TTC29: variants seen among roughly 807,000 people sequenced by gnomAD.
TTC29 encodes tetratricopeptide repeat protein 29.
Under a neutral mutation model 58.1 loss-of-function variants are expected in TTC29, and 49 were observed. The ratio of observed to expected loss-of-function variants is 0.84; its 90% CI spans 0.67 to 1.07. TTC29 has a LOEUF of 1.07. Among genes scored for constraint, TTC29 ranks in the 50% least tolerant of loss-of-function variants. The pLI is 0.00. For synonymous variants in TTC29, 209 were observed against 196.8 expected (o/e 1.06, Z -0.52); for missense variants, 582 against 555.6 (o/e 1.05, Z -0.48).
chr4:146,706,664 G>A lies in TTC29; in HGVS notation c.*494C>T, dbSNP rs1741985570. The A allele has an allele frequency of 6.6e-6, 1 of 152,124 alleles. No individual in the cohort carries two copies. The highest frequency in any genetic ancestry group is 6.6e-5 in the Admixed American group (1 of 15,230). The allele number at this position is 152,124 out of a possible 1,614,324, so 9.4% of individuals were successfully genotyped here. On this transcript the variant is annotated 3_prime_UTR_variant, in exon 13 of 13. Transcript: ENST00000325106. ...TTTTATTATGTGCTATCAGCTAAAA[G>A]TATCATAAAATATACTGTTACACAG... is the stretch of plus-strand genomic sequence containing the variant.
At chr4:146,930,299 T>C (rs1735244611) in intron 4 of TTC29, among the ~76,000 whole-genome samples, 1 of 151,690 alleles carries the variant, frequency 6.6e-6, no homozygotes, top group South Asian at 2.1e-4. Context: ...TTCTTATAAC[T>C]AGACATTTAA....
intron 11 of TTC29, among the ~76,000 whole-genome samples, chr4:146,757,359 T>C (rs866382826): frequency 5.3e-5 from 8 of 152,104 alleles, no homozygotes; most frequent in Admixed American, 1.3e-4. Flanking sequence ...GTACTGGGGA[T>C]AGTCTGCACA....
In TTC29 at chr4:146,853,694, A is replaced by C. The variant is rs552102244; in HGVS notation, c.885+13804T>G. The stretch of plus-strand genomic sequence containing the variant: ...TTCCAAAATGAGCAACTCTTGAGTC[A>C]AAAGATGTACAAAATTTAAACCTTA... On this transcript the variant is annotated intron_variant, in intron 8 of 12. Transcript: ENST00000325106. Among the ~76,000 whole-genome samples the C allele has an allele frequency of 3.3e-5, 5 of 152,338 alleles. No individual in the cohort carries two copies. In the South Asian group the frequency reaches 1.0e-3, roughly 32 times the overall value.
rs765620508 is a variant in TTC29, at chr4:146,939,905, C to CA, written c.-6-5dup. The stretch of plus-strand genomic sequence containing the variant: ...GGGGCAGGGTGGTCATTTCGGACTA[C>CA]AAAAAGAAATAAGTAGAAATTGTAT... On this transcript the variant is annotated splice_region_variant and splice_polypyrimidine_tract_variant and intron_variant, in intron 2 of 12. Transcript: ENST00000325106. 2 of 1,603,494 alleles carry CA rather than the reference C, an allele frequency of 1.2e-6. No homozygotes were observed. The highest frequency in any genetic ancestry group is 4.5e-5 in the East Asian group (2 of 44,708).
At chr4:146,927,759 T>C (rs539301894) in intron 4 of TTC29, among the ~76,000 whole-genome samples, 40 of 152,236 alleles carry the variant, frequency 2.6e-4, no homozygotes, top group African/African-American at 9.6e-4. Context: ...AACTGTTAAG[T>C]TGAAGCTGGA....
intron 8 of TTC29, among the ~76,000 whole-genome samples, chr4:146,853,530 G>A (rs1286941030): frequency 6.6e-6 from 1 of 151,662 alleles, no homozygotes; most frequent in Non-Finnish European, 1.5e-5. Context: ...CTTTTTTTCT[G>A]AATTTTTCAC....
chr4:146,858,982 T>G (rs922669274), intron 8 of TTC29, among the ~76,000 whole-genome samples: 1 of 152,158 alleles, frequency 6.6e-6, no homozygotes, highest in Middle Eastern at 3.2e-3. Flanking sequence ...ACTTACTGCC[T>G]TTACTTCATA....
chr4:146,825,379 C>T (rs981999638), intron 9 of TTC29, among the ~76,000 whole-genome samples: 1 of 152,168 alleles, frequency 6.6e-6, no homozygotes, highest in South Asian at 2.1e-4. Context: ...CATTCAGGAG[C>T]AAGGTGTTCA....
chr4:146,855,721 C>T (rs1481537989), intron 8 of TTC29, among the ~76,000 whole-genome samples: 2 of 152,138 alleles, frequency 1.3e-5, no homozygotes, highest in Non-Finnish European at 2.9e-5. Flanking sequence ...TAATTACTTA[C>T]ACTAAAGACA....
At chr4:146,933,752 A>T (rs1440990533) in intron 4 of TTC29, among the ~76,000 whole-genome samples, 1 of 152,246 alleles carries the variant, frequency 6.6e-6, no homozygotes, top group Non-Finnish European at 1.5e-5. Flanking sequence ...GTAACGAAGC[A>T]TACTGAAATT....
chr4:146,725,511 TGG>T (rs765502513), intron 11 of TTC29, among the ~76,000 whole-genome samples: 57 of 152,282 alleles, frequency 3.7e-4, no homozygotes, highest in Admixed American at 6.5e-4. Flanking sequence ...CACTCCAGCC[TGG>T]GTGACAGAGT....
Position 146,746,613 on chromosome 4 carries a change from A to T in TTC29, c.1331-39062T>A, listed in dbSNP as rs1052964946. On this transcript the variant is annotated intron_variant, in intron 11 of 12. Coordinates refer to ENST00000325106, the MANE Select transcript of TTC29 (RefSeq NM_031956.4). ...AGTTTAGACAAAAATAGTATTTTCA[A>T]GCAATTTTTATTGTGTGTGTGAGGA... 4.1e-4 allele frequency among the ~76,000 whole-genome samples: 63 copies of T among 152,328 alleles called. 1 individual carries two copies. Among genetic ancestry groups the T allele is most frequent in the African/African-American group, 1.5e-3 (61 of 41,590 alleles).
chr4:146,824,361 CTGTTGTTTTTG>C (rs1228998679), intron 9 of TTC29, among the ~76,000 whole-genome samples: 1 of 151,878 alleles, frequency 6.6e-6, no homozygotes, highest in Non-Finnish European at 1.5e-5. Flanking sequence ...TGAGGTAATC[CTGTTGTTTTTG>C]TCATTGGCTC....
At chr4:146,707,399 C>T (rs1742038214) in intron 12 of TTC29, 86 bp downstream of exon 12, 1 of 1,014,534 alleles carries the variant, frequency 9.9e-7, no homozygotes, top group Non-Finnish European at 1.5e-6. Context: ...TGAAGCTCCT[C>T]TTTTTGTGTT....
chr4:146,889,401 C>A (rs1277940429), intron 6 of TTC29, among the ~76,000 whole-genome samples: 3 of 152,030 alleles, frequency 2.0e-5, no homozygotes, highest in Non-Finnish European at 2.9e-5. Flanking sequence ...CTAAACAATA[C>A]ATGCACAAAG....
At chr4:146,746,239 G>T (rs762253656) in intron 11 of TTC29, among the ~76,000 whole-genome samples, 3 of 152,156 alleles carry the variant, frequency 2.0e-5, no homozygotes, top group African/African-American at 4.8e-5. Flanking sequence ...AAAGGGCATG[G>T]TTACATGAAG....
intron 11 of TTC29, among the ~76,000 whole-genome samples, chr4:146,741,011 C>T (rs1188675028): frequency 7.9e-5 from 12 of 152,164 alleles, no homozygotes; most frequent in Admixed American, 4.6e-4. Context: ...CACGAGCCAC[C>T]GACCATGGTG....
At chr4:146,761,667 T>A in intron 11 of TTC29, among the ~76,000 whole-genome samples, 1 of 136,612 alleles carries the variant, frequency 7.3e-6, no homozygotes, top group Admixed American at 8.2e-5. Context: ...CTAAACAGAG[T>A]AGTTTTTTTT....
At chr4:146,751,115 A>G (rs1189213889) in intron 11 of TTC29, among the ~76,000 whole-genome samples, 1 of 152,216 alleles carries the variant, frequency 6.6e-6, no homozygotes, top group Non-Finnish European at 1.5e-5. Flanking sequence ...ACAAGATACA[A>G]AGATGGTCAC....
Sources: allele counts gnomAD v4.1 joint callset (sites outside exome capture counted in the v4.1 genomes callset), GRCh38; gene constraint gnomAD v4.1.1; transcripts MANE v1.5; gene names NCBI Gene and HGNC (gene_info 2026-07-23, HGNC 2026-07-21).